The following PEX13 variants were observed in gnomAD, a reference collection of about 807,000 sequenced individuals.
The protein encoded by PEX13 is peroxisome biogenesis factor 13.
PEX13 carries 28 observed loss-of-function variants against 34.5 expected under a neutral mutation model. The ratio of observed to expected loss-of-function variants is 0.81; its 90% CI spans 0.60 to 1.11. The LOEUF is 1.11. Ranked by LOEUF, PEX13 falls within the 50% of genes most tolerant of loss-of-function variation. The probability of loss-of-function intolerance (pLI) is 0.00; values close to 1 mark genes in which losing one functional copy is unlikely to be tolerated. For synonymous variants in PEX13, 177 were observed against 175.1 expected (o/e 1.01, Z -0.09); for missense variants, 550 against 491.0 (o/e 1.12, Z -1.13).
Position 61,017,721 on chromosome 2 carries a change from G to A in PEX13, c.-39G>A, listed in dbSNP as rs1423356013. ...GTGCTGGTCTACGCGGGCCTGGACA[G>A]TCAGGGGTAGGAGCGGGAGCCGAGA... On this transcript the variant is annotated 5_prime_UTR_variant, in exon 1 of 4. Transcript: ENST00000295030. 3.9e-6 allele frequency: 6 copies of A among 1,521,398 alleles called. No individual in the cohort carries two copies. Among genetic ancestry groups the A allele is most frequent in the Admixed American group, 2.0e-5 (1 of 50,792 alleles). The allele number at this position is 1,521,398 out of a possible 1,614,324, so 94.2% of individuals were successfully genotyped here.
chr2:61,037,152 T>C (rs1233397341), intron 2 of PEX13, among the ~76,000 whole-genome samples: 2 of 152,144 alleles, frequency 1.3e-5, no homozygotes, highest in Non-Finnish European at 2.9e-5. Context: ...CAAAGAGACT[T>C]AGACTCGCAC....
At chr2:61,033,588 G>C (rs568079596) in intron 2 of PEX13, among the ~76,000 whole-genome samples, 1 of 152,226 alleles carries the variant, frequency 6.6e-6, no homozygotes, top group South Asian at 2.1e-4. Flanking sequence ...AAAATATATA[G>C]TAAGCCAGAA....
intron 1 of PEX13, among the ~76,000 whole-genome samples, chr2:61,029,906 A>G (rs1470394029): frequency 6.6e-6 from 1 of 152,338 alleles, no homozygotes; most frequent in East Asian, 1.9e-4. Flanking sequence ...ACACTACAGT[A>G]TAAGTAATTA....
At chr2:61,027,588 T>A (rs560103610) in intron 1 of PEX13, among the ~76,000 whole-genome samples, 66 of 152,362 alleles carry the variant, frequency 4.3e-4, no homozygotes, top group African/African-American at 1.5e-3. Context: ...TCCATTTTAA[T>A]GGAGCACTTT....
At chr2:61,031,219 A>T (rs551873434) in intron 1 of PEX13, among the ~76,000 whole-genome samples, 200 bp from the exon 2 acceptor site, 1 of 152,276 alleles carries the variant, frequency 6.6e-6, no homozygotes, top group African/African-American at 2.4e-5. Flanking sequence ...TGAGCCTGGG[A>T]GGTTGAGGCT....
intron 1 of PEX13, among the ~76,000 whole-genome samples, chr2:61,020,457 T>C (rs1285591864): frequency 6.6e-6 from 1 of 152,138 alleles, no homozygotes; most frequent in Non-Finnish European, 1.5e-5. Flanking sequence ...GATGGTTTGG[T>C]TGAAATTCTC....
rs112768517 is a variant in PEX13 at position 61,024,351 on chromosome 2, T to C, written c.92+6500T>C. On this transcript the variant is annotated intron_variant, in intron 1 of 3. Transcript: ENST00000295030. The stretch of plus-strand genomic sequence containing the variant: ...TCTATCTATTGTCACTTTACTCCTT[T>C]AACTCAACTTGCATATATACCCCAT... 8.6e-3 allele frequency among the ~76,000 whole-genome samples: 1,303 copies of C among 152,338 alleles called. 15 individuals carry two copies. Among genetic ancestry groups the C allele is most frequent in the African/African-American group, 0.029 (1,209 of 41,580 alleles).
intron 2 of PEX13, among the ~76,000 whole-genome samples, chr2:61,045,361 C>A (rs1366978894): frequency 6.6e-6 from 1 of 152,104 alleles, no homozygotes. Flanking sequence ...TATTTTTAAT[C>A]TTGTCAATAA....
At position 61,049,028 on chromosome 2, in the gene PEX13, A is replaced by T. The variant is rs1471008070; in HGVS notation, c.*258A>T. ...GATTATGGAGACTGCTGTCATTTTT[A>T]TCTTATTTAAATCTCTAGGTTTATT... On this transcript the variant is annotated 3_prime_UTR_variant, in exon 4 of 4. Transcript: ENST00000295030. 5.2e-5 allele frequency: 24 copies of T among 465,330 alleles called. No individual in the cohort carries two copies. In the East Asian group the frequency reaches 9.3e-4, roughly 18 times the overall value. The allele number at this position is 465,330 out of a possible 1,614,324, so 28.8% of individuals were successfully genotyped here. A position where few individuals can be genotyped will look rare whatever the true frequency, so the allele number is the denominator to read the frequency against.
At position 61,044,702 on chromosome 2, in the gene PEX13, T is replaced by C. The variant is rs1212201438; in HGVS notation, c.788-1024T>C. Among the ~76,000 whole-genome samples the C allele has an allele frequency of 2.0e-5, 3 of 152,176 alleles. No individual in the cohort carries two copies. The East Asian group carries it at 5.8e-4, about 29-fold the overall frequency. On this transcript the variant is annotated intron_variant, in intron 2 of 3. Transcript: ENST00000295030. ...CGCCTGACCTATATTCTTAAGTAAT[T>C]CAAACGGAAACCACAAAGCAGAACA...
chr2:61,043,301 C>T (rs1302989112), intron 2 of PEX13, among the ~76,000 whole-genome samples: 2 of 147,802 alleles, frequency 1.4e-5, no homozygotes, highest in African/African-American at 5.0e-5. Flanking sequence ...TGGAGACCAT[C>T]CTGGCTAACG....
chr2:61,035,923 CAGGGAGCCA>C (rs1284281482), intron 2 of PEX13, among the ~76,000 whole-genome samples: 1 of 149,822 alleles, frequency 6.7e-6, no homozygotes, highest in African/African-American at 2.5e-5. Flanking sequence ...GCGGAGGTTG[CAGGGAGCCA>C]AGATCACACC....
intron 1 of PEX13, among the ~76,000 whole-genome samples, chr2:61,019,956 C>T (rs977070729): frequency 6.6e-6 from 1 of 152,044 alleles, no homozygotes; most frequent in Non-Finnish European, 1.5e-5. Context: ...ATCTTTTTGC[C>T]TTAAATATCT....
Position 61,049,854 on chromosome 2 carries a change from T to G in PEX13, c.*1084T>G, listed in dbSNP as rs1210763399. 6.6e-6 allele frequency: 1 copy of G among 152,366 alleles called. No homozygotes were observed. Among genetic ancestry groups the G allele is most frequent in the African/African-American group, 2.4e-5 (1 of 41,456 alleles). 9.4% of individuals were successfully genotyped at this position (152,366 alleles called of 1,614,324 possible). On this transcript the variant is annotated 3_prime_UTR_variant, in exon 4 of 4. Coordinates refer to ENST00000295030, the MANE Select transcript of PEX13 (RefSeq NM_002618.4). ...AATCAGAAGTATATGAAAGGTATAC[T>G]TTCTTTTCCTACAACAAATACTTGA...
intron 1 of PEX13, among the ~76,000 whole-genome samples, chr2:61,028,236 A>G (rs1014354214): frequency 2.0e-5 from 3 of 152,218 alleles, no homozygotes; most frequent in African/African-American, 7.2e-5. Context: ...GAAGTAAACA[A>G]CATCACTTAT....
intron 1 of PEX13, among the ~76,000 whole-genome samples, chr2:61,028,242 C>T (rs1460061108): frequency 6.6e-6 from 1 of 152,154 alleles, no homozygotes; most frequent in African/African-American, 2.4e-5. Flanking sequence ...AACAACATCA[C>T]TTATGAATTA....
At chr2:61,038,287 G>A (rs1460508889) in intron 2 of PEX13, among the ~76,000 whole-genome samples, 1 of 152,116 alleles carries the variant, frequency 6.6e-6, no homozygotes, top group Non-Finnish European at 1.5e-5. Flanking sequence ...CCAGAGCCTG[G>A]CAGAGAAACA....
chr2:61,017,774 G>A lies in PEX13; in HGVS notation c.15G>A (p.Pro5=), dbSNP rs1680105109. Residue 5 remains proline (P), a synonymous_variant, in exon 1 of 4, where the codon CCG becomes CCA. Transcript: ENST00000295030. ...AGGCGGAGGAGATGGCGTCCCAGCC[G>A]CCACCTCCCCCCAAACCCTGGGAGA... MASQ[P]PPPPKPWETR... is the part of the protein sequence containing the mutation. The A allele has an allele frequency of 6.5e-7, 1 of 1,549,668 alleles. No homozygotes were observed. The highest frequency in any genetic ancestry group is 8.7e-7 in the Non-Finnish European group (1 of 1,146,768).
chr2:61,026,350 T>G (rs991754303), intron 1 of PEX13, among the ~76,000 whole-genome samples: 1 of 147,744 alleles, frequency 6.8e-6, no homozygotes, highest in African/African-American at 2.5e-5. Flanking sequence ...TTTTCTTTTT[T>G]TTTTTTTTTT....
Sources: allele counts gnomAD v4.1 joint callset (sites outside exome capture counted in the v4.1 genomes callset), GRCh38; gene constraint gnomAD v4.1.1; transcripts MANE v1.5; gene names NCBI Gene and HGNC (gene_info 2026-07-23, HGNC 2026-07-21).